The following MRPL37 variants were observed in gnomAD, a reference collection of about 807,000 sequenced individuals.
MRPL37 encodes the protein mitochondrial ribosomal protein L37.
A neutral mutation model predicts 44.1 loss-of-function variants in MRPL37; 34 were observed. The observed-to-expected ratio is 0.77, with a 90% CI of 0.59 to 1.03. The LOEUF (loss-of-function observed/expected upper bound fraction) is 1.03, where lower values mean the gene tolerates loss of function less well. Ranked by LOEUF, MRPL37 falls within the 50% of genes least tolerant of loss-of-function variation. The pLI is 0.00. For synonymous variants in MRPL37, 212 were observed against 219.5 expected, an observed-to-expected ratio of 0.97 and a Z score of 0.30; for missense variants, 532 against 543.7, an observed-to-expected ratio of 0.98 and a Z score of 0.21.
intron 5 of MRPL37, among the ~76,000 whole-genome samples, chr1:54,215,077 A>C (rs1445882595): frequency 6.6e-6 from 1 of 152,166 alleles, no homozygotes; most frequent in Non-Finnish European, 1.5e-5. Context: ...ATCTTTGTTC[A>C]GTGAGTAGCA....
At chr1:54,224,733 G>A (rs542977791), downstream of MRPL37, among the ~76,000 whole-genome samples, 4 of 151,748 alleles carry the variant, frequency 2.6e-5, no homozygotes, top group East Asian at 5.8e-4. Context: ...CTTTCTAGTC[G>A]TGCAAGTCAG....
At chr1:54,211,961 C>T (rs945346810) in intron 4 of MRPL37, among the ~76,000 whole-genome samples, 1 of 152,130 alleles carries the variant, frequency 6.6e-6, no homozygotes, top group African/African-American at 2.4e-5. Context: ...ATTCTCAGCA[C>T]CAGTGTTGTG....
At chr1:54,211,283 G>T (rs1305420964) in intron 4 of MRPL37, among the ~76,000 whole-genome samples, 6 of 152,020 alleles carry the variant, frequency 3.9e-5, no homozygotes, top group Non-Finnish European at 8.8e-5. Context: ...CAGTTTTCCT[G>T]TCTGTCTCCC....
chr1:54,201,856 C>T (rs1644086113), intron 1 of MRPL37, among the ~76,000 whole-genome samples: 1 of 152,146 alleles, frequency 6.6e-6, no homozygotes, highest in Non-Finnish European at 1.5e-5. Flanking sequence ...TAATTATCAC[C>T]TATTTTTCAT....
At chr1:54,221,688 ACACT>A (rs1240913440), downstream of MRPL37, among the ~76,000 whole-genome samples, 3 of 149,874 alleles carry the variant, frequency 2.0e-5, no homozygotes, top group East Asian at 4.3e-4. Flanking sequence ...CACACACCAC[ACACT>A]CAGACATGTG....
At position 54,205,186 on chromosome 1, in the gene MRPL37, A is replaced by G. The variant is rs1360289263; in HGVS notation, c.515A>G (p.Lys172Arg). Residue 172 changes from lysine to arginine, a missense_variant, in exon 2 of 7, where the codon AAG becomes AGG. By Grantham distance (26) the Lys-to-Arg change is conservative (BLOSUM62 2). Transcript: ENST00000360840. The stretch of plus-strand genomic sequence containing the variant: ...TGGCAGACCACTGAGGAAATCCCCA[A>G]GAGAGAGACCTACTGGTAAGTTCCC... ...RLWQTTEEIP[K>R]RETYCPVIVD... is the part of the protein sequence containing the mutation. The G allele has an allele frequency of 6.2e-7, 1 of 1,613,468 alleles. No individual in the cohort carries two copies. Among genetic ancestry groups the G allele is most frequent in the Non-Finnish European group, 8.5e-7 (1 of 1,179,464 alleles).
downstream of MRPL37, among the ~76,000 whole-genome samples, chr1:54,223,727 C>T (rs533360927): frequency 1.3e-5 from 2 of 152,342 alleles, no homozygotes; most frequent in Admixed American, 6.5e-5. Flanking sequence ...TGGTCTGGCC[C>T]CCGACTCCGG....
chr1:54,213,501 T>C (rs773006804), intron 5 of MRPL37, among the ~76,000 whole-genome samples: 5 of 152,132 alleles, frequency 3.3e-5, no homozygotes, highest in Admixed American at 6.5e-5. Context: ...GGGAGTGGAA[T>C]GGGCCTTGCC....
chr1:54,210,201 A>G lies in MRPL37; in HGVS notation c.832+70A>G. 6.7e-6 allele frequency: 10 copies of G among 1,496,790 alleles called. No individual in the cohort carries two copies. The Admixed American group carries it at 1.4e-4, about 21-fold the overall frequency. The allele number at this position is 1,496,790 out of a possible 1,614,324, so 92.7% of individuals were successfully genotyped here. ...GACATGCTTTTTCTGGAGGGAAAGG[A>G]TATACTAAGAACTTGCTAGGTGCTA... On this transcript the variant is annotated intron_variant, in intron 4 of 6. Transcript: ENST00000360840.
intron 5 of MRPL37, among the ~76,000 whole-genome samples, chr1:54,213,106 C>T (rs185265346): frequency 7.7e-4 from 118 of 152,298 alleles, no homozygotes; most frequent in African/African-American, 2.7e-3. Flanking sequence ...ATGGCCAAGC[C>T]CTGCCTGCCA....
chr1:54,205,160 C>T lies in MRPL37; in HGVS notation c.489C>T (p.Leu163=). 1 of 1,614,182 alleles carries T rather than the reference C, an allele frequency of 6.2e-7. No homozygotes were observed. The highest frequency in any genetic ancestry group is 1.1e-5 in the South Asian group (1 of 91,074). Residue 163 remains leucine (L), a synonymous_variant, in exon 2 of 7, where the codon CTC becomes CTT. Transcript: ENST00000360840. ...TGAATGTGATCTCTCACGCCCGTCTCTGGCAGACCACTGAGGAAATCCCCA... is the reference window on the plus strand; with the variant it reads ...TGAATGTGATCTCTCACGCCCGTCTTTGGCAGACCACTGAGGAAATCCCCA... ...CVLNVISHAR[L]WQTTEEIPKR... is the part of the protein sequence containing the mutation.
chr1:54,220,891 CTG>C (rs1644229099), downstream of MRPL37: 1 of 447,164 alleles, frequency 2.2e-6, no homozygotes, highest in Non-Finnish European at 4.7e-6. Flanking sequence ...GTATTTCTCA[CTG>C]TCTCATATAT....
intron 1 of MRPL37, among the ~76,000 whole-genome samples, chr1:54,203,263 T>A (rs1258821344): frequency 2.6e-5 from 4 of 152,096 alleles, no homozygotes; most frequent in Non-Finnish European, 5.9e-5. Context: ...CAAGTCATCC[T>A]CCCACCTCCT....
chr1:54,215,506 A>T (rs1644191168), intron 5 of MRPL37, among the ~76,000 whole-genome samples: 1 of 152,062 alleles, frequency 6.6e-6, no homozygotes, highest in South Asian at 2.1e-4. Context: ...TGGAGTGGAT[A>T]CTCCAGAAAC....
In MRPL37 at chr1:54,217,174, T is replaced by C. The variant is rs1289290792; in HGVS notation, c.1194+830T>C. Among the ~76,000 whole-genome samples, 3 of 152,168 alleles carry C rather than the reference T, an allele frequency of 2.0e-5. No individual in the cohort carries two copies. The East Asian group carries it at 5.8e-4, about 29-fold the overall frequency. ...ACCAGGCCCCACACAGGCCTGAGTG[T>C]GGGCTTGCTAAATGGAGTCGCTGAG... On this transcript the variant is annotated intron_variant, in intron 6 of 6. Coordinates refer to ENST00000360840, the MANE Select transcript of MRPL37 (RefSeq NM_016491.4).
intron 5 of MRPL37, among the ~76,000 whole-genome samples, chr1:54,214,946 G>C (rs79875838): frequency 3.9e-5 from 6 of 152,194 alleles, no homozygotes; most frequent in African/African-American, 1.4e-4. Flanking sequence ...AACAGCCCCA[G>C]TGTGGCCCAC....
intron 3 of MRPL37, among the ~76,000 whole-genome samples, chr1:54,206,629 C>T (rs897931964): frequency 2.0e-5 from 3 of 152,002 alleles, no homozygotes; most frequent in South Asian, 2.1e-4. Context: ...AGGCTGGTCT[C>T]GAACTCCTGG....
downstream of MRPL37, among the ~76,000 whole-genome samples, chr1:54,224,451 A>G (rs1395691767): frequency 2.0e-5 from 3 of 152,202 alleles, no homozygotes; most frequent in Non-Finnish European, 4.4e-5. Flanking sequence ...ACCTCCTCAC[A>G]GCCTATGAGG....
At chr1:54,216,427 T>C in intron 6 of MRPL37, 83 bp downstream of exon 6, 1 of 1,494,870 alleles carries the variant, frequency 6.7e-7, no homozygotes, top group Non-Finnish European at 9.1e-7. Context: ...ATTGCTGGGG[T>C]GCTCTGTGAG....
Sources: gnomAD v4.1 joint callset for allele counts (sites outside exome capture counted in the v4.1 genomes callset) on GRCh38, gnomAD v4.1.1 for gene constraint, MANE v1.5 for transcripts, NCBI Gene and HGNC (gene_info 2026-07-23, HGNC 2026-07-21) for gene names.